The following SMTNL2 variants were observed in gnomAD, a reference collection of about 807,000 sequenced individuals.
SMTNL2 encodes the protein smoothelin like 2.
Under a neutral mutation model 44.1 loss-of-function variants are expected in SMTNL2, and 43 were observed. The ratio of observed to expected loss-of-function variants is 0.98; its 90% confidence interval spans 0.76 to 1.26. The LOEUF is 1.26. SMTNL2 is among the 50% of genes most tolerant of loss of function. The pLI, the probability that SMTNL2 is intolerant of heterozygous loss-of-function variation, is 0.00. For synonymous variants in SMTNL2, 317 were observed against 287.6 expected (o/e 1.10, Z -1.03); for missense variants, 646 against 670.2 (o/e 0.96, Z 0.40).
chr17:4,584,745 C>T lies in SMTNL2; in HGVS notation c.140C>T (p.Ala47Val). 7.6e-7 allele frequency: 1 copy of T among 1,308,838 alleles called. No homozygotes were observed. Among genetic ancestry groups the T allele is most frequent in the Non-Finnish European group, 9.7e-7 (1 of 1,032,432 alleles). 81.1% of individuals were successfully genotyped at this position (1,308,838 alleles called of 1,614,324 possible). A position where few individuals can be genotyped will look rare whatever the true frequency, so the allele number is the denominator to read the frequency against. ...CAGCGCGGCGTGGAGCGGCGAGTGG[C>T]AGAGGCGATGCGCCTGGCCGGCCCC... ...GLQRGVERRV[A>V]EAMRLAGPLA... The change falls in exon 1 of 8, where the codon GCA (alanine) becomes GTA (valine). Residue 47 changes from alanine to valine, a missense_variant. Coordinates refer to ENST00000389313, the MANE Select transcript of SMTNL2 (RefSeq NM_001114974.2).
Position 4,607,600 on chromosome 17 carries a change from G to GT in SMTNL2, c.*116dup. On this transcript the variant is annotated 3_prime_UTR_variant, in exon 8 of 8. Coordinates refer to ENST00000389313, the MANE Select transcript of SMTNL2 (RefSeq NM_001114974.2). This position sits in a 1 kb window ranked among gnomAD's most constrained non-coding sequence, Gnocchi z 4.7. ...CCTTGCCGTTTGGTGTGAGCGCGCT[G>GT]TTTGTTCTGTGGCATGTGACGGCAC... The GT allele has an allele frequency of 6.7e-7, 1 of 1,501,886 alleles. No individual in the cohort carries two copies. The highest frequency in any genetic ancestry group is 9.0e-7 in the Non-Finnish European group (1 of 1,116,878). The allele number at this position is 1,501,886 out of a possible 1,614,324, so 93.0% of individuals were successfully genotyped here.
Position 4,584,737 on chromosome 17 carries a change from G to C in SMTNL2, c.132G>C (p.Arg44=). The part of the protein sequence containing the change: ...DMRGLQRGVE[R]RVAEAMRLAG... ...GGGGGCTGCAGCGCGGCGTGGAGCGGCGAGTGGCAGAGGCGATGCGCCTGG... is the reference window on the plus strand; with the variant it reads ...GGGGGCTGCAGCGCGGCGTGGAGCGCCGAGTGGCAGAGGCGATGCGCCTGG... Residue 44 remains arginine, a synonymous_variant, in exon 1 of 8, where the codon CGG becomes CGC. Transcript: ENST00000389313. 1.5e-6 allele frequency: 2 copies of C among 1,307,880 alleles called. No homozygotes were observed. The highest frequency in any genetic ancestry group is 4.1e-5 in the Admixed American group (1 of 24,604). 81.0% of individuals were successfully genotyped at this position (1,307,880 alleles called of 1,614,324 possible).
At chr17:4,603,272 G>C (rs1174093435) in intron 7 of SMTNL2, among the ~76,000 whole-genome samples, 1 of 152,172 alleles carries the variant, frequency 6.6e-6, no homozygotes, top group Non-Finnish European at 1.5e-5. Flanking sequence ...TCCTTTGTGG[G>C]AACAGTTAAG....
rs780984262 is a variant in SMTNL2, at chr17:4,589,938, C to CTTTTTTTTTTTTTTTTTT, written c.400-2394_400-2377dup. ...CCAGGCTGCCTTTGGACGCACCTGG[C>CTTTTTTTTTTTTTTTTTT]TTTTTTTTTTTTTTTTTTTTTTTTT... On this transcript the variant is annotated intron_variant, in intron 1 of 7. Transcript: ENST00000389313. Among the ~76,000 whole-genome samples, 2 of 59,792 alleles carry CTTTTTTTTTTTTTTTTTT rather than the reference C, an allele frequency of 3.3e-5. 1 individual carries two copies. The highest frequency in any genetic ancestry group is 1.4e-4 in the African/African-American group (2 of 14,204). The allele number at this position is 59,792 out of a possible 152,430, so 39.2% of individuals were successfully genotyped here.
chr17:4,593,119 C>T lies in SMTNL2; in HGVS notation c.678C>T (p.Gly226=), dbSNP rs1238510508. 46 of 1,613,408 alleles carry T rather than the reference C, an allele frequency of 2.9e-5. No homozygotes were observed. Among genetic ancestry groups the T allele is most frequent in the Non-Finnish European group, 3.6e-5 (43 of 1,179,668 alleles). The change falls in exon 3 of 8, where the codon GGC becomes GGT. Residue 226 remains glycine (G), a synonymous_variant. Coordinates refer to ENST00000389313, the MANE Select transcript of SMTNL2 (RefSeq NM_001114974.2). ...CCATGTCTGCTGCCACCCTGGGGGG[C>T]CTCAACCCAAGCCCCAGCGAGGTCA... ...LSPMSAATLG[G]LNPSPSEVIT...
Position 4,600,452 on chromosome 17 carries a change from C to CG in SMTNL2, c.1259+3132dup, listed in dbSNP as rs574480802. Reference sequence around the variant, plus strand: ...AAGGAGGACACAGGTCCCCAAACCACGGGTTCACCTTGCGTGAGGAATGAA... The same window carrying CG: ...AAGGAGGACACAGGTCCCCAAACCACGGGGTTCACCTTGCGTGAGGAATGAA... On this transcript the variant is annotated intron_variant, in intron 7 of 7. Transcript: ENST00000389313. The surrounding 1 kb of genome is among the most constrained non-coding windows in gnomAD (Gnocchi z 4.7). Among the ~76,000 whole-genome samples, 60 of 152,200 alleles carry CG rather than the reference C, an allele frequency of 3.9e-4. 1 individual carries two copies. Among genetic ancestry groups the CG allele is most frequent in the Non-Finnish European group, 5.6e-4 (38 of 68,030 alleles).
chr17:4,595,454 A>G lies in SMTNL2; in HGVS notation c.989+127A>G. The G allele has an allele frequency of 7.4e-7, 1 of 1,343,348 alleles. No individual in the cohort carries two copies. The highest frequency in any genetic ancestry group is 1.0e-6 in the Non-Finnish European group (1 of 995,314). 83.2% of individuals were successfully genotyped at this position (1,343,348 alleles called of 1,614,324 possible). A position where few individuals can be genotyped will look rare whatever the true frequency, so the allele number is the denominator to read the frequency against. ...CCCCAGGGCGCTGTTGCCCAGGACA[A>G]GATCTCTTGGGCAAGGCACAAAGTT... On this transcript the variant is annotated intron_variant, in intron 5 of 7. Transcript: ENST00000389313. This position sits in a 1 kb window ranked among gnomAD's most constrained non-coding sequence, Gnocchi z 5.1.
At chr17:4,590,816 G>A (rs950683323) in intron 1 of SMTNL2, among the ~76,000 whole-genome samples, 1 of 152,178 alleles carries the variant, frequency 6.6e-6, no homozygotes, top group Non-Finnish European at 1.5e-5. Flanking sequence ...ATCTTCTGAA[G>A]GGTGTGCCTG....
intron 3 of SMTNL2, 55 bp downstream of exon 3, chr17:4,593,226 G>C: frequency 6.6e-7 from 1 of 1,526,586 alleles, no homozygotes; most frequent in Admixed American, 2.0e-5. Flanking sequence ...ATGGGAGAGG[G>C]AAGGCCGGGG....
At position 4,597,444 on chromosome 17, in the gene SMTNL2, C is replaced by T. The variant is rs74732311; in HGVS notation, c.1259+121C>T. 4.3e-3 allele frequency: 5,974 copies of T among 1,373,986 alleles called. 157 individuals carry two copies. In the African/African-American group the frequency reaches 0.063, roughly 14 times the overall value. 85.1% of individuals were successfully genotyped at this position (1,373,986 alleles called of 1,614,324 possible). On this transcript the variant is annotated intron_variant, in intron 7 of 7. Coordinates refer to ENST00000389313, the MANE Select transcript of SMTNL2 (RefSeq NM_001114974.2). ...GCCGCTGTCTGCAAAGCTGAAGGAC[C>T]CTGGGGCCATGTGGTCTGTGTACCT...
At chr17:4,597,399 G>A in intron 7 of SMTNL2, 76 bp downstream of exon 7, 1 of 1,567,816 alleles carries the variant, frequency 6.4e-7, no homozygotes, top group Non-Finnish European at 8.7e-7. Flanking sequence ...GGTGGGGCAT[G>A]GGGGCGAGTG....
rs1293656063 is a variant in SMTNL2 at position 4,600,910 on chromosome 17, G to A, written c.1259+3587G>A. On this transcript the variant is annotated intron_variant, in intron 7 of 7. Coordinates refer to ENST00000389313, the MANE Select transcript of SMTNL2 (RefSeq NM_001114974.2). The surrounding 1 kb of genome is among the most constrained non-coding windows in gnomAD (Gnocchi z 4.7). Reference sequence around the variant, plus strand: ...TGTCTCTGTCTAAAACCAGATAGGAGGCAGTAGTCCCAGTCCTGGCATCCT... The same window carrying A: ...TGTCTCTGTCTAAAACCAGATAGGAAGCAGTAGTCCCAGTCCTGGCATCCT... Among the ~76,000 whole-genome samples, 1 of 152,140 alleles carries A rather than the reference G, an allele frequency of 6.6e-6. No homozygotes were observed. Among genetic ancestry groups the A allele is most frequent in the East Asian group, 1.9e-4 (1 of 5,198 alleles).
chr17:4,595,392 G>T lies in SMTNL2; in HGVS notation c.989+65G>T. The T allele has an allele frequency of 6.4e-7, 1 of 1,566,770 alleles. No homozygotes were observed. The highest frequency in any genetic ancestry group is 8.7e-7 in the Non-Finnish European group (1 of 1,154,370). ...GTGCCCAGACCCAGACGGGGCTTGGGTGGGTGCAGCAGGGCAAGGTTCAGC... is the reference window on the plus strand; with the variant it reads ...GTGCCCAGACCCAGACGGGGCTTGGTTGGGTGCAGCAGGGCAAGGTTCAGC... On this transcript the variant is annotated intron_variant, in intron 5 of 7. Coordinates refer to ENST00000389313, the MANE Select transcript of SMTNL2 (RefSeq NM_001114974.2). The surrounding 1 kb of genome is among the most constrained non-coding windows in gnomAD (Gnocchi z 5.1).
Position 4,592,566 on chromosome 17 carries a change from C to G in SMTNL2, c.487+118C>G. 1 of 930,082 alleles carries G rather than the reference C, an allele frequency of 1.1e-6. No homozygotes were observed. The highest frequency in any genetic ancestry group is 1.6e-6 in the Non-Finnish European group (1 of 625,926). The allele number at this position is 930,082 out of a possible 1,614,324, so 57.6% of individuals were successfully genotyped here. On this transcript the variant is annotated intron_variant, in intron 2 of 7. Transcript: ENST00000389313. The surrounding 1 kb of genome is among the most constrained non-coding windows in gnomAD (Gnocchi z 4.5). Reference sequence around the variant, plus strand: ...GGCATCGGGGGGACTCTATCCTGAACCCCAGCAGGGAGAGAGGCTGCCAGG... The same window carrying G: ...GGCATCGGGGGGACTCTATCCTGAAGCCCAGCAGGGAGAGAGGCTGCCAGG...
intron 6 of SMTNL2, 40 bp downstream of exon 6, chr17:4,597,017 C>T: frequency 6.8e-7 from 1 of 1,479,394 alleles, no homozygotes; most frequent in South Asian, 1.3e-5. Flanking sequence ...GACGCCCCAG[C>T]TAAAAGCTTG....
At chr17:4,604,137 G>A (rs566802067) in intron 7 of SMTNL2, among the ~76,000 whole-genome samples, 3 of 152,256 alleles carry the variant, frequency 2.0e-5, no homozygotes, top group African/African-American at 2.4e-5. Context: ...GAGCCACCGC[G>A]CCCGGCCTGA....
At chr17:4,602,997 G>A (rs984780121) in intron 7 of SMTNL2, among the ~76,000 whole-genome samples, 2 of 152,196 alleles carry the variant, frequency 1.3e-5, no homozygotes, top group Non-Finnish European at 2.9e-5. Context: ...GGAAGCCGGC[G>A]ATCTGGACAG....
rs1338903443 is a variant in SMTNL2, at chr17:4,607,432, T to C, written c.1331T>C (p.Met444Thr). The C allele has an allele frequency of 1.2e-6, 2 of 1,614,080 alleles. No individual in the cohort carries two copies. The highest frequency in any genetic ancestry group is 8.5e-7 in the Non-Finnish European group (1 of 1,180,050). ...GTGATGGGCCGCAAGCCGGACCCCA[T>C]GTGTGTCTTCACCTACGTCCAGTCG... ...MMVMGRKPDP[M>T]CVFTYVQSLY... The change falls in exon 8 of 8, where the codon ATG becomes ACG. Residue 444 changes from methionine to threonine, a missense_variant. Physicochemically the swap from Met to Thr is moderately conservative, Grantham distance 81. Coordinates refer to ENST00000389313, the MANE Select transcript of SMTNL2 (RefSeq NM_001114974.2). The surrounding 1 kb of genome is among the most constrained non-coding windows in gnomAD (Gnocchi z 4.7).
In SMTNL2 at chr17:4,607,291, C is replaced by A. The variant is rs1211072361; in HGVS notation, c.1260-70C>A. On this transcript the variant is annotated intron_variant, in intron 7 of 7. Coordinates refer to ENST00000389313, the MANE Select transcript of SMTNL2 (RefSeq NM_001114974.2). The surrounding 1 kb of genome is among the most constrained non-coding windows in gnomAD (Gnocchi z 4.7). Reference sequence around the variant, plus strand: ...AGCTCTGTTCCCGGGACCGAGACACCGGCCCTGTCGCGGCTGTGGGGCTGG... The same window carrying A: ...AGCTCTGTTCCCGGGACCGAGACACAGGCCCTGTCGCGGCTGTGGGGCTGG... The A allele has an allele frequency of 6.3e-6, 10 of 1,594,054 alleles. No individual in the cohort carries two copies. Among genetic ancestry groups the A allele is most frequent in the Non-Finnish European group, 8.6e-6 (10 of 1,169,180 alleles).
Sources: gnomAD v4.1 joint callset for allele counts (sites outside exome capture counted in the v4.1 genomes callset) on GRCh38, gnomAD v4.1.1 for gene constraint, Gnocchi (gnomAD v3.1) non-coding constraint, MANE v1.5 for transcripts, NCBI Gene and HGNC (gene_info 2026-07-23, HGNC 2026-07-21) for gene names.